CSGALNACT1: variants seen among roughly 807,000 people sequenced by gnomAD.
CSGALNACT1 encodes the protein chondroitin sulfate N-acetylgalactosaminyltransferase 1, also known as beta4GalNAcT-1.
A neutral mutation model predicts 51.0 loss-of-function variants in CSGALNACT1; 52 were observed. That is an observed-to-expected ratio of 1.02 (90% CI 0.82 to 1.29). The LOEUF is 1.29. Among genes scored for constraint, CSGALNACT1 ranks in the 50% most tolerant of loss-of-function variants. The pLI is 0.00. For missense variants in CSGALNACT1, 935 were observed against 679.2 expected (o/e 1.38, Z -4.19); for synonymous variants, 341 against 254.4 (o/e 1.34, Z -3.24).
At chr8:19,710,922 A>AT (rs112530120) in intron 1 of CSGALNACT1, among the ~76,000 whole-genome samples, 9,661 of 149,624 alleles carry the variant, frequency 0.065, 331 homozygotes, top group South Asian at 0.11. Flanking sequence ...CTCCTCTCTG[A>AT]TTTTTTTTTT....
At chr8:19,708,251 C>T (rs919190182) in intron 1 of CSGALNACT1, among the ~76,000 whole-genome samples, 2 of 152,194 alleles carry the variant, frequency 1.3e-5, no homozygotes, top group African/African-American at 4.8e-5. Flanking sequence ...ATGTGCACAG[C>T]ACGTAGGTCT....
chr8:19,542,044 A>C (rs906198705), intron 3 of CSGALNACT1, among the ~76,000 whole-genome samples: 1 of 152,212 alleles, frequency 6.6e-6, no homozygotes, highest in Non-Finnish European at 1.5e-5. Flanking sequence ...CTTATGATAA[A>C]AAATATTCTC....
chr8:19,488,152 C>T lies in CSGALNACT1; in HGVS notation c.634+17049G>A, dbSNP rs374601280. On this transcript the variant is annotated intron_variant, in intron 4 of 9. Coordinates refer to ENST00000454498, the Ensembl canonical transcript of CSGALNACT1. The stretch of plus-strand genomic sequence containing the variant: ...ATCACCTAAGGTCAGGAGCTCGAGA[C>T]CAGCCTGGCCAAAATAGTGAAACTC... Among the ~76,000 whole-genome samples the T allele has an allele frequency of 1.2e-3, 189 of 151,822 alleles. 3 individuals carry two copies. In the South Asian group the frequency reaches 0.035, roughly 28 times the overall value.
intron 3 of CSGALNACT1, among the ~76,000 whole-genome samples, chr8:19,555,763 C>G (rs929256963): frequency 1.3e-5 from 2 of 152,108 alleles, no homozygotes; most frequent in Non-Finnish European, 2.9e-5. Flanking sequence ...TGAAATCTAT[C>G]GTCACCTTAA....
chr8:19,680,697 C>G (rs1044071787), intron 1 of CSGALNACT1, among the ~76,000 whole-genome samples: 4 of 151,910 alleles, frequency 2.6e-5, no homozygotes, highest in African/African-American at 9.7e-5. Context: ...TCATGTGTCA[C>G]CGAATGACTG....
chr8:19,597,079 G>C (rs1010315018), intron 2 of CSGALNACT1, among the ~76,000 whole-genome samples: 1 of 152,036 alleles, frequency 6.6e-6, no homozygotes, highest in Non-Finnish European at 1.5e-5. Context: ...CCACATATTA[G>C]TGGAATCACA....
chr8:19,541,332 G>A (rs2085077933), intron 3 of CSGALNACT1, among the ~76,000 whole-genome samples: 1 of 145,680 alleles, frequency 6.9e-6, no homozygotes, highest in South Asian at 2.2e-4. Flanking sequence ...CTCACTGCAA[G>A]CTCTGCCTCC....
chr8:19,539,198 A>G (rs1044381863), intron 3 of CSGALNACT1, among the ~76,000 whole-genome samples: 1 of 151,970 alleles, frequency 6.6e-6, no homozygotes, highest in Non-Finnish European at 1.5e-5. Flanking sequence ...GTGTGTGGTT[A>G]GGAATCCCTA....
chr8:19,577,884 A>G (rs974485734), intron 3 of CSGALNACT1, among the ~76,000 whole-genome samples: 4 of 152,208 alleles, frequency 2.6e-5, no homozygotes, highest in African/African-American at 7.2e-5. Flanking sequence ...GCTGAGCCAA[A>G]CTATTGGCAT....
At chr8:19,650,685 T>A (rs1237975045) in intron 1 of CSGALNACT1, among the ~76,000 whole-genome samples, 1 of 152,108 alleles carries the variant, frequency 6.6e-6, no homozygotes, top group Non-Finnish European at 1.5e-5. Context: ...ACAGTGTGTG[T>A]GAGACTGAAA....
At chr8:19,476,024 G>C (rs1351691419) in intron 4 of CSGALNACT1, among the ~76,000 whole-genome samples, 1 of 152,068 alleles carries the variant, frequency 6.6e-6, no homozygotes, top group Non-Finnish European at 1.5e-5. Flanking sequence ...GTAATCTTAG[G>C]ATTTTGACAG....
At chr8:19,609,866 G>A (rs1430867485) in intron 1 of CSGALNACT1, among the ~76,000 whole-genome samples, 2 of 152,136 alleles carry the variant, frequency 1.3e-5, no homozygotes, top group African/African-American at 4.8e-5. Flanking sequence ...ATACAATGTG[G>A]AAAATATCTA....
At chr8:19,672,571 A>C (rs1242148908) in intron 1 of CSGALNACT1, among the ~76,000 whole-genome samples, 1 of 152,200 alleles carries the variant, frequency 6.6e-6, no homozygotes, top group Non-Finnish European at 1.5e-5. Context: ...ATCTAATATA[A>C]ATGCTTAATA....
At chr8:19,510,620 A>G (rs963866828) in intron 3 of CSGALNACT1, among the ~76,000 whole-genome samples, 1 of 152,170 alleles carries the variant, frequency 6.6e-6, no homozygotes, top group African/African-American at 2.4e-5. Flanking sequence ...TGAGCCCCAA[A>G]CAGACAAATA....
At position 19,669,942 on chromosome 8, in the gene CSGALNACT1, C is replaced by T. The variant is rs1314155600; in HGVS notation, c.-544+12531G>A. Among the ~76,000 whole-genome samples, 4 of 152,294 alleles carry T rather than the reference C, an allele frequency of 2.6e-5. 1 individual carries two copies. In the South Asian group the frequency reaches 8.3e-4, roughly 32 times the overall value. On this transcript the variant is annotated intron_variant, in intron 1 of 9. Coordinates refer to the CSGALNACT1 transcript ENST00000332246. ...TGTCTCCTGCAGTCCTGTGGACAAA[C>T]AACTCACTCTCCCCTCAAAATGCCT... is the stretch of plus-strand genomic sequence containing the variant.
intron 3 of CSGALNACT1, among the ~76,000 whole-genome samples, chr8:19,508,391 C>T (rs1235315551): frequency 2.0e-5 from 3 of 152,168 alleles, no homozygotes; most frequent in Non-Finnish European, 2.9e-5. Context: ...TCCTTCAGCC[C>T]AAGGATTCTC....
In CSGALNACT1 at chr8:19,601,866, C is replaced by G. The variant is rs887157092; in HGVS notation, c.-510-1G>C. The G allele has an allele frequency of 4.4e-6, 2 of 453,608 alleles. No homozygotes were observed. The highest frequency in any genetic ancestry group is 4.0e-5 in the African/African-American group (2 of 49,882). 28.1% of individuals were successfully genotyped at this position (453,608 alleles called of 1,614,324 possible). A position where few individuals can be genotyped will look rare whatever the true frequency, so the allele number is the denominator to read the frequency against. ...GTCTTTCCTTGAAATAGGAAGGCAG[C>G]TAAAATAAAATAAAAACAAAAGGCA... On this transcript the variant is annotated splice_acceptor_variant, in intron 1 of 9. Transcript: ENST00000454498. LOFTEE classifies it low-confidence loss of function (5UTR_SPLICE).
chr8:19,657,048 G>A (rs563994820), intron 1 of CSGALNACT1, among the ~76,000 whole-genome samples: 59 of 142,324 alleles, frequency 4.1e-4, no homozygotes, highest in Admixed American at 7.9e-4. Flanking sequence ...AGGCAACAGA[G>A]TAAGACTCCA....
At chr8:19,528,193 G>A (rs538957253) in intron 3 of CSGALNACT1, among the ~76,000 whole-genome samples, 15 of 151,970 alleles carry the variant, frequency 9.9e-5, no homozygotes, top group Admixed American at 2.6e-4. Context: ...CACGTATCCC[G>A]GTCATGTTCT....
Sources: allele counts gnomAD v4.1 joint callset (sites outside exome capture counted in the v4.1 genomes callset), GRCh38; gene constraint gnomAD v4.1.1; transcripts MANE v1.5; gene names NCBI Gene and HGNC (gene_info 2026-07-23, HGNC 2026-07-21).